Variants in ZNF699 observed in about 807,000 individuals in gnomAD.
The protein encoded by ZNF699 is hangover homolog.
A neutral mutation model predicts 22.5 loss-of-function variants in ZNF699; 18 were observed. That is an observed-to-expected ratio of 0.80 (90% CI 0.55 to 1.19). The LOEUF is 1.19. ZNF699 is among the 50% of genes most tolerant of loss of function. The probability of loss-of-function intolerance (pLI) is 0.00; values close to 1 mark genes in which losing one functional copy is unlikely to be tolerated. For missense variants in ZNF699, 670 were observed against 763.4 expected (o/e 0.88, Z 1.44); for synonymous variants, 241 against 262.3 (o/e 0.92, Z 0.78).
chr19:9,306,971 C>T (rs984377003), intron 1 of ZNF699, among the ~76,000 whole-genome samples: 3 of 152,048 alleles, frequency 2.0e-5, no homozygotes, highest in South Asian at 2.1e-4. Flanking sequence ...AGACCAAGGT[C>T]GGGGGAATCA....
intron 1 of ZNF699, among the ~76,000 whole-genome samples, chr19:9,309,121 G>A (rs192859523): frequency 1.0e-3 from 150 of 150,106 alleles, no homozygotes; most frequent in Non-Finnish European, 5.6e-4. Flanking sequence ...ACACAGGAGA[G>A]CACCTTTTAT....
At chr19:9,302,857 T>C (rs1026264783) in intron 2 of ZNF699, among the ~76,000 whole-genome samples, 3 of 152,056 alleles carry the variant, frequency 2.0e-5, no homozygotes, top group South Asian at 2.1e-4. Flanking sequence ...AATCAGTCTC[T>C]ACTAAAATTT....
chr19:9,295,518 T>C lies in ZNF699; in HGVS notation c.1886A>G (p.Tyr629Cys), dbSNP rs1209020051. 2 of 1,612,942 alleles carry C rather than the reference T, an allele frequency of 1.2e-6. No individual in the cohort carries two copies. The highest frequency in any genetic ancestry group is 2.2e-5 in the East Asian group (1 of 44,878). The change falls in exon 6 of 6, where the codon TAC becomes TGC. Residue 629 changes from tyrosine to cysteine, a missense_variant. Coordinates refer to ENST00000591998, the MANE Select transcript of ZNF699 (RefSeq NM_198535.3). ...ECGKAFVCPAYFRRHVKTHTR... is the reference protein window; with the variant it reads ...ECGKAFVCPACFRRHVKTHTR... The stretch of plus-strand genomic sequence containing the variant: ...GTGAGTTTTCACATGCCTTCGAAAG[T>C]AGGCAGGACAAACAAAGGCTTTCCC...
At chr19:9,303,913 G>A (rs560819219) in intron 2 of ZNF699, among the ~76,000 whole-genome samples, 1 of 151,776 alleles carries the variant, frequency 6.6e-6, no homozygotes, top group Non-Finnish European at 1.5e-5. Context: ...CACCTCCCTG[G>A]TTCAAGCAAT....
In ZNF699 at chr19:9,295,852, G is replaced by T. The variant is rs1402551691; in HGVS notation, c.1552C>A (p.Leu518Ile). The T allele has an allele frequency of 6.2e-7, 1 of 1,613,962 alleles. No individual in the cohort carries two copies. The highest frequency in any genetic ancestry group is 1.1e-5 in the South Asian group (1 of 91,068). Residue 518 changes from leucine to isoleucine, a missense_variant, in exon 6 of 6, where the codon CTT becomes ATT. Leu to Ile is a conservative substitution (Grantham distance 5, BLOSUM62 2). Transcript: ENST00000591998. ...CGKAFISSSH[L>I]TVHIRTHTGE... is the part of the protein sequence containing the mutation. ...GTGTGAGTTCTGATATGTACTGTAAGGTGGGAGGAACTAATAAAGGCTTTC... is the reference window on the plus strand; with the variant it reads ...GTGTGAGTTCTGATATGTACTGTAATGTGGGAGGAACTAATAAAGGCTTTC...
In ZNF699 at chr19:9,297,749, A is replaced by G; in HGVS notation, c.286+131T>C. On this transcript the variant is annotated intron_variant, in intron 4 of 5. Coordinates refer to ENST00000591998, the MANE Select transcript of ZNF699 (RefSeq NM_198535.3). This position sits in a 1 kb window ranked among gnomAD's most constrained non-coding sequence, Gnocchi z 4.3. ...CAAGGAAAATGCGAGAGGACTGATA[A>G]AAAGTCAAAATAGTCATCTGAGCTA... is the stretch of plus-strand genomic sequence containing the variant. 1 of 705,162 alleles carries G rather than the reference A, an allele frequency of 1.4e-6. No individual in the cohort carries two copies. The highest frequency in any genetic ancestry group is 2.4e-6 in the Non-Finnish European group (1 of 422,048). 43.7% of individuals were successfully genotyped at this position (705,162 alleles called of 1,614,324 possible). A position where few individuals can be genotyped will look rare whatever the true frequency, so the allele number is the denominator to read the frequency against.
rs2066285691 is a variant in ZNF699 at position 9,296,262 on chromosome 19, T to C, written c.1142A>G (p.His381Arg). 1 of 1,614,174 alleles carries C rather than the reference T, an allele frequency of 6.2e-7. No homozygotes were observed. Residue 381 changes from histidine to arginine, a missense_variant, in exon 6 of 6, where the codon CAT becomes CGT. Physicochemically the swap from His to Arg is conservative, Grantham distance 29. Transcript: ENST00000591998. ...AFSESSKLTV[H>R]GRTHTGEKPY... ...TTTCTCTCCAGTATGTGTCCTCCCA[T>C]GTACAGTGAGTTTTGAGGACTCGCT...
chr19:9,305,143 G>A lies in ZNF699; in HGVS notation c.-5-19C>T, dbSNP rs746225210. The A allele has an allele frequency of 3.2e-5, 51 of 1,610,138 alleles. No homozygotes were observed. The South Asian group carries it at 5.5e-4, about 17-fold the overall frequency. On this transcript the variant is annotated intron_variant, in intron 1 of 5. Transcript: ENST00000591998. ...ATGTCGCCTTCATGAAGAAAAGCAG[G>A]ATATTGAGAAGTTAGAATTAAAAAA...
In ZNF699 at chr19:9,295,513, G is replaced by A. The variant is rs145027997; in HGVS notation, c.1891C>T (p.Arg631Ter). Residue 631 changes from arginine to a stop codon, truncating the protein, a stop_gained, in exon 6 of 6, where the codon CGA becomes TGA. Transcript: ENST00000591998. LOFTEE classifies it high-confidence loss of function. Reference protein sequence around the residue: ...GKAFVCPAYFRRHVKTHTREN... With the variant: ...GKAFVCPAYF ...CTAGTGTGAGTTTTCACATGCCTTCGAAAGTAGGCAGGACAAACAAAGGCT... is the reference window on the plus strand; with the variant it reads ...CTAGTGTGAGTTTTCACATGCCTTCAAAAGTAGGCAGGACAAACAAAGGCT... 17 of 1,612,440 alleles carry A rather than the reference G, an allele frequency of 1.1e-5. No homozygotes were observed. Among genetic ancestry groups the A allele is most frequent in the South Asian group, 3.3e-5 (3 of 90,934 alleles).
At chr19:9,300,272 G>A (rs2066302564) in intron 3 of ZNF699, among the ~76,000 whole-genome samples, 1 of 152,270 alleles carries the variant, frequency 6.6e-6, no homozygotes, top group East Asian at 1.9e-4. Context: ...AGTACAGATG[G>A]AGTTTCACCC....
At chr19:9,300,620 G>A (rs572562082) in intron 3 of ZNF699, among the ~76,000 whole-genome samples, 154 of 152,286 alleles carry the variant, frequency 1.0e-3, no homozygotes, top group Non-Finnish European at 1.8e-3. Context: ...AAAGAAATGA[G>A]CTCTCAAGCT....
rs889784937 is a variant in ZNF699, at chr19:9,294,459, T to C, written c.*1016A>G. On this transcript the variant is annotated 3_prime_UTR_variant, in exon 6 of 6. Transcript: ENST00000591998. ...GCTATAACATTCAGTTTTGAGCAAA[T>C]ATTGATCAATGAGTCCAACAGTCAG... 6.6e-6 allele frequency: 1 copy of C among 152,122 alleles called. No individual in the cohort carries two copies. Among genetic ancestry groups the C allele is most frequent in the African/African-American group, 2.4e-5 (1 of 41,412 alleles). The allele number at this position is 152,122 out of a possible 1,614,324, so 9.4% of individuals were successfully genotyped here. A position where few individuals can be genotyped will look rare whatever the true frequency, so the allele number is the denominator to read the frequency against.
chr19:9,303,369 T>A (rs965172190), intron 2 of ZNF699, among the ~76,000 whole-genome samples: 1 of 152,218 alleles, frequency 6.6e-6, no homozygotes, highest in African/African-American at 2.4e-5. Context: ...TACTACCCTC[T>A]CCTTGAGTTT....
chr19:9,301,578 T>A (rs2066307348), intron 3 of ZNF699, among the ~76,000 whole-genome samples: 1 of 152,196 alleles, frequency 6.6e-6, no homozygotes, highest in Non-Finnish European at 1.5e-5. Context: ...CATAGACCCA[T>A]CCCCAAATCA....
chr19:9,295,858 A>G lies in ZNF699; in HGVS notation c.1546T>C (p.Ser516Pro). Residue 516 changes from serine (S) to proline (P), a missense_variant, in exon 6 of 6, where the codon TCC becomes CCC. Ser to Pro is a moderately conservative substitution (Grantham distance 74). Coordinates refer to ENST00000591998, the MANE Select transcript of ZNF699 (RefSeq NM_198535.3). The stretch of plus-strand genomic sequence containing the variant: ...GTTCTGATATGTACTGTAAGGTGGG[A>G]GGAACTAATAAAGGCTTTCCCACAT... ...KECGKAFISS[S>P]HLTVHIRTHT... The G allele has an allele frequency of 6.2e-7, 1 of 1,613,786 alleles. No homozygotes were observed. Among genetic ancestry groups the G allele is most frequent in the Non-Finnish European group, 8.5e-7 (1 of 1,179,936 alleles).
rs2066274096 is a variant in ZNF699 at position 9,293,624 on chromosome 19, C to T, written c.*1851G>A. On this transcript the variant is annotated 3_prime_UTR_variant, in exon 6 of 6. Coordinates refer to ENST00000591998, the MANE Select transcript of ZNF699 (RefSeq NM_198535.3). ...ATAGTAAGAGTCAAAATTGTGGTTGCCCTGTGGAGTAATTATCACTGAGAA... is the reference window on the plus strand; with the variant it reads ...ATAGTAAGAGTCAAAATTGTGGTTGTCCTGTGGAGTAATTATCACTGAGAA... 6.6e-6 allele frequency among the ~76,000 whole-genome samples: 1 copy of T among 152,044 alleles called. No individual in the cohort carries two copies. The highest frequency in any genetic ancestry group is 2.4e-5 in the African/African-American group (1 of 41,402).
Position 9,297,029 on chromosome 19 carries a change from GT to G in ZNF699, c.471-97del. On this transcript the variant is annotated intron_variant, in intron 5 of 5. Transcript: ENST00000591998. The surrounding 1 kb of genome is among the most constrained non-coding windows in gnomAD (Gnocchi z 4.3). ...CCCTTCTGTCAAGTTTAAGCTGAAA[GT>G]TTTCACAGAGGGCTCTACGACAGCC... is the stretch of plus-strand genomic sequence containing the variant. 8.9e-7 allele frequency: 1 copy of G among 1,127,788 alleles called. No homozygotes were observed. Among genetic ancestry groups the G allele is most frequent in the Non-Finnish European group, 1.2e-6 (1 of 818,188 alleles). The allele number at this position is 1,127,788 out of a possible 1,614,324, so 69.9% of individuals were successfully genotyped here.
chr19:9,304,921 C>CAAAA (rs34867149), intron 2 of ZNF699, 151 bp downstream of exon 2: 2,645 of 303,916 alleles, frequency 8.7e-3, no homozygotes, highest in South Asian at 0.018. Flanking sequence ...GACTCTGTCT[C>CAAAA]AAAAAAAAAA....
Position 9,295,732 on chromosome 19 carries a change from G to GT in ZNF699, c.1671dup (p.Pro558ThrfsTer3). The GT allele has an allele frequency of 2.5e-6, 4 of 1,613,762 alleles. No homozygotes were observed. The highest frequency in any genetic ancestry group is 1.1e-5 in the South Asian group (1 of 91,058). On this transcript the variant is annotated frameshift_variant, in exon 6 of 6. Transcript: ENST00000591998. LOFTEE classifies it low-confidence loss of function (END_TRUNC). ...TTCCCACATTCCTTACATTCATAGG[G>GT]TTTTTCCCCAGTGTGCGTTCTCATG... is the stretch of plus-strand genomic sequence containing the variant.
Sources: allele counts gnomAD v4.1 joint callset (sites outside exome capture counted in the v4.1 genomes callset), GRCh38; gene constraint gnomAD v4.1.1; non-coding constraint Gnocchi (gnomAD v3.1); transcripts MANE v1.5; gene names NCBI Gene and HGNC (gene_info 2026-07-23, HGNC 2026-07-21).